The following NPAS3 variants were observed in gnomAD, a reference collection of about 807,000 sequenced individuals.
NPAS3 encodes the protein neuronal PAS domain-containing protein 3.
In NPAS3, 14 loss-of-function variants were observed where a neutral mutation model predicts 73.1. The observed-to-expected ratio is 0.19, with a 90% CI of 0.13 to 0.30. NPAS3 has a LOEUF of 0.30. NPAS3 is among the 10% of genes least tolerant of loss of function. NPAS3 has a pLI of 1.00. For synonymous variants in NPAS3, 620 were observed against 541.5 expected, an observed-to-expected ratio of 1.14 and a Z score of -2.01; for missense variants, 1,096 against 1,250.0, an observed-to-expected ratio of 0.88 and a Z score of 1.86.
chr14:33,479,851 T>A (rs771236393), intron 4 of NPAS3, among the ~76,000 whole-genome samples: 3 of 152,118 alleles, frequency 2.0e-5, no homozygotes, highest in Non-Finnish European at 4.4e-5. Context: ...CTTATTTCTT[T>A]CCATTTGTGA....
intron 5 of NPAS3, among the ~76,000 whole-genome samples, chr14:33,584,638 T>C (rs1387360370): frequency 6.6e-6 from 1 of 152,188 alleles, no homozygotes; most frequent in Admixed American, 6.5e-5. Context: ...TCTGATGAGA[T>C]AACCTGTCCT....
At chr14:33,690,923 C>G (rs2060219544) in intron 6 of NPAS3, among the ~76,000 whole-genome samples, 3 of 149,600 alleles carry the variant, frequency 2.0e-5, no homozygotes, top group Non-Finnish European at 4.4e-5. Context: ...TCTTTCCTAG[C>G]TTGTTTTTAA....
chr14:33,769,756 C>CTTTTT (rs916953785), intron 7 of NPAS3, among the ~76,000 whole-genome samples: 1,986 of 81,836 alleles, frequency 0.024, 387 homozygotes, highest in African/African-American at 0.052. Flanking sequence ...TTTTTTTTTT[C>CTTTTT]TTTTTTTTTT....
chr14:33,785,930 G>T (rs754577148), intron 9 of NPAS3, among the ~76,000 whole-genome samples: 2 of 152,198 alleles, frequency 1.3e-5, no homozygotes, highest in Non-Finnish European at 2.9e-5. Context: ...AAGTGCGGAA[G>T]GGGTCAGTCG....
At chr14:33,728,086 T>C (rs752638549) in intron 6 of NPAS3, among the ~76,000 whole-genome samples, 3 of 151,942 alleles carry the variant, frequency 2.0e-5, no homozygotes, top group Non-Finnish European at 1.5e-5. Flanking sequence ...TTCCCCAGAG[T>C]GGTATCATCC....
At chr14:33,283,619 T>G (rs974796180) in intron 3 of NPAS3, among the ~76,000 whole-genome samples, 10 of 152,230 alleles carry the variant, frequency 6.6e-5, no homozygotes, top group Admixed American at 3.9e-4. Flanking sequence ...CAGGTGACTC[T>G]TCACAAACTA....
chr14:33,647,239 A>C (rs542738734), intron 5 of NPAS3, among the ~76,000 whole-genome samples: 2 of 151,948 alleles, frequency 1.3e-5, no homozygotes, highest in Admixed American at 1.3e-4. Flanking sequence ...AAGCAATTTC[A>C]TACACTTACT....
chr14:33,012,704 A>G (rs566978503), intron 1 of NPAS3, among the ~76,000 whole-genome samples: 2 of 152,130 alleles, frequency 1.3e-5, no homozygotes, highest in Admixed American at 1.3e-4. Flanking sequence ...GCCCGCCACC[A>G]CACATGGCTA....
intron 3 of NPAS3, among the ~76,000 whole-genome samples, chr14:33,297,866 T>G (rs2042367291): frequency 6.6e-6 from 1 of 152,174 alleles, no homozygotes; most frequent in Non-Finnish European, 1.5e-5. Context: ...CTTCACCTAT[T>G]CCAAGTTTTC....
At chr14:33,595,939 G>T (rs2057230138) in intron 5 of NPAS3, among the ~76,000 whole-genome samples, 9 of 152,172 alleles carry the variant, frequency 5.9e-5, no homozygotes, top group Admixed American at 5.9e-4. Flanking sequence ...CAAAGTGCTA[G>T]ATTTTAAGGG....
chr14:33,545,470 T>C (rs781126742), intron 4 of NPAS3, among the ~76,000 whole-genome samples: 1 of 152,180 alleles, frequency 6.6e-6, no homozygotes, highest in South Asian at 2.1e-4. Flanking sequence ...GAATAATATA[T>C]AGATGTTGTT....
intron 5 of NPAS3, among the ~76,000 whole-genome samples, chr14:33,563,618 A>G (rs1395996981): frequency 1.3e-5 from 2 of 152,120 alleles, no homozygotes; most frequent in Admixed American, 1.3e-4. Flanking sequence ...TTCAGGTTAT[A>G]GAAGTATGCA....
At chr14:33,742,609 G>C (rs2061682837) in intron 7 of NPAS3, among the ~76,000 whole-genome samples, 1 of 152,204 alleles carries the variant, frequency 6.6e-6, no homozygotes, top group South Asian at 2.1e-4. Context: ...TGACTGATCA[G>C]GGTGGTGGTT....
intron 7 of NPAS3, among the ~76,000 whole-genome samples, chr14:33,764,365 G>A (rs896526557): frequency 2.0e-5 from 3 of 152,202 alleles, no homozygotes; most frequent in Non-Finnish European, 4.4e-5. Context: ...CTTAGAACAA[G>A]ACTAGTTGGG....
At chr14:33,501,728 G>T (rs1364293189) in intron 4 of NPAS3, among the ~76,000 whole-genome samples, 2 of 151,372 alleles carry the variant, frequency 1.3e-5, no homozygotes, top group South Asian at 4.2e-4. Context: ...AACCTTAGCA[G>T]CAGGTATAGC....
At chr14:33,527,242 G>A (rs905179152) in intron 4 of NPAS3, among the ~76,000 whole-genome samples, 4 of 152,130 alleles carry the variant, frequency 2.6e-5, no homozygotes, top group Admixed American at 6.5e-5. Flanking sequence ...GGGGTGCTCC[G>A]AAGTGAGCAG....
At chr14:33,130,458 G>T (rs1329096327) in intron 2 of NPAS3, among the ~76,000 whole-genome samples, 1 of 152,124 alleles carries the variant, frequency 6.6e-6, no homozygotes, top group Non-Finnish European at 1.5e-5. Flanking sequence ...ATAAATATGT[G>T]ATTGCATAAA....
intron 4 of NPAS3, among the ~76,000 whole-genome samples, chr14:33,522,131 C>A (rs955894985): frequency 2.0e-5 from 3 of 152,110 alleles, no homozygotes; most frequent in African/African-American, 7.2e-5. Flanking sequence ...GAATTAAGTG[C>A]TCATATTTGA....
intron 2 of NPAS3, among the ~76,000 whole-genome samples, chr14:33,183,862 G>A (rs2045891563): frequency 6.6e-6 from 1 of 152,050 alleles, no homozygotes; most frequent in South Asian, 2.1e-4. Context: ...CCATATTCAT[G>A]TGCCCCATAA....
Sources: gnomAD v4.1 joint callset for allele counts (sites outside exome capture counted in the v4.1 genomes callset) on GRCh38, gnomAD v4.1.1 for gene constraint, MANE v1.5 for transcripts, NCBI Gene and HGNC (gene_info 2026-07-23, HGNC 2026-07-21) for gene names.